Variants in KATNAL2 observed in about 807,000 individuals in gnomAD.
KATNAL2 encodes the protein katanin catalytic subunit A1 like 2, also known as katanin p60 ATPase-containing subunit A-like 2.
KATNAL2 carries 52 observed loss-of-function variants against 76.3 expected under a neutral mutation model. The observed-to-expected ratio is 0.68, with a 90% confidence interval of 0.55 to 0.86. KATNAL2 has a LOEUF of 0.86. KATNAL2 is among the 40% of genes least tolerant of loss of function. The probability of loss-of-function intolerance (pLI) is 0.00; values close to 1 mark genes in which losing one functional copy is unlikely to be tolerated. For synonymous variants in KATNAL2, 243 were observed against 244.2 expected (o/e 1.00, Z 0.05); for missense variants, 660 against 668.9 (o/e 0.99, Z 0.15).
intron 3 of KATNAL2, chr18:47,035,279 G>A (rs1001901417): frequency 6.2e-7 from 1 of 1,612,410 alleles, no homozygotes; most frequent in East Asian, 2.2e-5. Context: ...CCAGAGCTGT[G>A]CAGGCGTCGC....
intron 1 of KATNAL2, among the ~76,000 whole-genome samples, chr18:46,924,589 G>A (rs1412769447): frequency 2.0e-5 from 3 of 152,170 alleles, no homozygotes; most frequent in Non-Finnish European, 4.4e-5. Flanking sequence ...GAACTTTAAA[G>A]TAGTTTTTTT....
At chr18:46,935,568 C>T (rs1250786981) in intron 1 of KATNAL2, among the ~76,000 whole-genome samples, 2 of 151,958 alleles carry the variant, frequency 1.3e-5, no homozygotes, top group African/African-American at 4.8e-5. Context: ...GTACTACAGG[C>T]ATGTGCCACT....
chr18:47,062,832 C>G, intron 8 of KATNAL2, 140 bp from the exon 9 acceptor site: 1 of 565,734 alleles, frequency 1.8e-6, no homozygotes, highest in Admixed American at 3.1e-5. Flanking sequence ...AATACTAGTG[C>G]TGGTTCTTTT....
intron 10 of KATNAL2, 84 bp from the exon 11 acceptor site, chr18:47,066,937 G>A (rs2061833570): frequency 6.3e-6 from 3 of 472,544 alleles, no homozygotes; most frequent in Middle Eastern, 4.0e-4. Flanking sequence ...CCTATTGTAA[G>A]TCAAGTATTC....
At chr18:47,100,783 G>C (rs1459842266) in intron 17 of KATNAL2, 83 bp from the exon 18 acceptor site, 22 of 1,499,444 alleles carry the variant, frequency 1.5e-5, no homozygotes, top group Non-Finnish European at 2.0e-5. Flanking sequence ...GCATTATTTT[G>C]AAAGAAGGTC....
At chr18:47,059,741 A>G in intron 8 of KATNAL2, 87 bp downstream of exon 8, 1 of 989,496 alleles carries the variant, frequency 1.0e-6, no homozygotes, top group Non-Finnish European at 1.6e-6. Context: ...TTTTTGTCAA[A>G]CAGGAAAGTT....
At chr18:47,075,452 A>G (rs1227842984) in intron 14 of KATNAL2, 84 bp downstream of exon 14, 14 of 1,004,772 alleles carry the variant, frequency 1.4e-5, no homozygotes, top group Non-Finnish European at 1.9e-5. Flanking sequence ...TCGGAAGCCT[A>G]TAGACATTTA....
intron 15 of KATNAL2, among the ~76,000 whole-genome samples, chr18:47,083,337 T>C (rs1413991614): frequency 6.6e-6 from 1 of 152,228 alleles, no homozygotes; most frequent in Non-Finnish European, 1.5e-5. Context: ...TCTGTCCTTC[T>C]AGGGGAAATA....
At chr18:47,038,960 G>A (rs1175003201) in intron 3 of KATNAL2, among the ~76,000 whole-genome samples, 3 of 152,086 alleles carry the variant, frequency 2.0e-5, no homozygotes, top group African/African-American at 7.2e-5. Context: ...AGCAAGGCTG[G>A]GTAGTAATAA....
intron 1 of KATNAL2, among the ~76,000 whole-genome samples, chr18:46,939,571 CCTT>C (rs1221753853): frequency 6.6e-6 from 1 of 152,118 alleles, no homozygotes; most frequent in Non-Finnish European, 1.5e-5. Flanking sequence ...ACTTTGTTTT[CCTT>C]CTTATAGGCC....
chr18:47,025,374 C>T (rs74561601), intron 3 of KATNAL2, among the ~76,000 whole-genome samples: 11 of 143,478 alleles, frequency 7.7e-5, no homozygotes, highest in South Asian at 4.7e-4. Flanking sequence ...GTTCCACTCT[C>T]ACCTTTCAGT....
At chr18:47,085,733 T>C (rs932287458) in intron 15 of KATNAL2, among the ~76,000 whole-genome samples, 1 of 152,128 alleles carries the variant, frequency 6.6e-6, no homozygotes, top group African/African-American at 2.4e-5. Flanking sequence ...ATGACTCCAT[T>C]TCCCATGTGG....
chr18:47,077,086 A>T (rs2062271111), intron 14 of KATNAL2, among the ~76,000 whole-genome samples: 1 of 152,040 alleles, frequency 6.6e-6, no homozygotes, highest in African/African-American at 2.4e-5. Context: ...GGGACTGTGG[A>T]CCCTTTAGTT....
At chr18:46,942,543 G>A (rs984374895) in intron 1 of KATNAL2, among the ~76,000 whole-genome samples, 3 of 152,184 alleles carry the variant, frequency 2.0e-5, no homozygotes, top group Non-Finnish European at 2.9e-5. Context: ...AAACCTTGGA[G>A]GCGGAGGTTG....
intron 1 of KATNAL2, among the ~76,000 whole-genome samples, chr18:46,930,181 T>A (rs72917134): frequency 0.011 from 1,677 of 152,352 alleles, 16 homozygotes; most frequent in Non-Finnish European, 0.017. Context: ...GCTCAACATT[T>A]TCCTTAACCT....
chr18:47,032,157 CTA>C (rs2060495815), intron 3 of KATNAL2, among the ~76,000 whole-genome samples: 3 of 152,226 alleles, frequency 2.0e-5, no homozygotes, highest in African/African-American at 4.8e-5. Flanking sequence ...GGGAATGATT[CTA>C]TGTGTTACTT....
Position 46,917,631 on chromosome 18 carries a change from C to T in KATNAL2, c.-805C>T. The stretch of plus-strand genomic sequence containing the variant: ...CGCGCGGCGACAGCGCCCGCCCGCG[C>T]CTGCCCCGGCGTGCTGCCCCGCGGC... On this transcript the variant is annotated 5_prime_UTR_variant, in exon 1 of 18. Transcript: ENST00000683218. 2 of 863,898 alleles carry T rather than the reference C, an allele frequency of 2.3e-6. No individual in the cohort carries two copies. The highest frequency in any genetic ancestry group is 1.4e-6 in the Non-Finnish European group (1 of 714,994). 53.5% of individuals were successfully genotyped at this position (863,898 alleles called of 1,614,324 possible).
At chr18:47,084,534 AG>A in intron 15 of KATNAL2, 1 of 621,568 alleles carries the variant, frequency 1.6e-6, no homozygotes, top group Non-Finnish European at 2.9e-6. Context: ...TTCCCCCAGC[AG>A]GGTTGCTCAA....
At chr18:47,070,222 G>A (rs1031897958) in intron 13 of KATNAL2, among the ~76,000 whole-genome samples, 5 of 150,504 alleles carry the variant, frequency 3.3e-5, no homozygotes, top group African/African-American at 7.3e-5. Context: ...TCAGCCTCCC[G>A]AATAGCTGGG....
Sources: gnomAD v4.1 joint callset for allele counts (sites outside exome capture counted in the v4.1 genomes callset) on GRCh38, gnomAD v4.1.1 for gene constraint, MANE v1.5 for transcripts, NCBI Gene and HGNC (gene_info 2026-07-23, HGNC 2026-07-21) for gene names.